Variants in CR1L observed in about 807,000 individuals in gnomAD.
CR1L encodes complement component receptor 1-like protein.
Under a neutral mutation model 62.3 loss-of-function variants are expected in CR1L, and 59 were observed. That is an observed-to-expected ratio of 0.95 (90% CI 0.77 to 1.18). The LOEUF (loss-of-function observed/expected upper bound fraction) is 1.18. CR1L is among the 50% of genes most tolerant of loss of function. The pLI is 0.00. For missense variants in CR1L, 700 were observed against 702.8 expected, an observed-to-expected ratio of 1.00 and a Z score of 0.04; for synonymous variants, 279 against 248.7, an observed-to-expected ratio of 1.12 and a Z score of -1.15.
intron 9 of CR1L, among the ~76,000 whole-genome samples, chr1:207,703,224 C>T (rs890272039): frequency 7.2e-5 from 11 of 152,190 alleles, no homozygotes; most frequent in Non-Finnish European, 1.6e-4. Context: ...AAACAGCCAT[C>T]TATTGGACCT....
At chr1:207,676,216 A>G (rs545124584) in intron 1 of CR1L, among the ~76,000 whole-genome samples, 46 of 152,188 alleles carry the variant, frequency 3.0e-4, no homozygotes, top group Non-Finnish European at 5.1e-4. Context: ...TTTTCTTCAA[A>G]CTAGCAGAGA....
At chr1:207,721,400 T>C (rs1277666514) in intron 11 of CR1L, among the ~76,000 whole-genome samples, 1 of 141,028 alleles carries the variant, frequency 7.1e-6, no homozygotes, top group East Asian at 2.1e-4. Flanking sequence ...GTCCATGTGA[T>C]CTCATTGTTC....
chr1:207,692,496 A>C (rs1221889515), intron 4 of CR1L, among the ~76,000 whole-genome samples: 4 of 152,178 alleles, frequency 2.6e-5, no homozygotes, highest in African/African-American at 9.6e-5. Context: ...CAGCTAGATA[A>C]AACCTACTTG....
At chr1:207,708,115 G>A in intron 9 of CR1L, 63 bp from the exon 10 acceptor site, 1 of 1,572,982 alleles carries the variant, frequency 6.4e-7, no homozygotes, top group Non-Finnish European at 8.7e-7. Context: ...TGCCACATAT[G>A]CATGCTGTCA....
rs1234405228 is a variant in CR1L at position 207,669,286 on chromosome 1, G to A, written c.98-8103G>A. 1.1e-5 allele frequency: 6 copies of A among 554,954 alleles called. No individual in the cohort carries two copies. In the Admixed American group the frequency reaches 1.2e-4, roughly 11 times the overall value. 34.4% of individuals were successfully genotyped at this position (554,954 alleles called of 1,614,324 possible). Reference sequence around the variant, plus strand: ...AGTAAACATGGCCTTGCCCATGAAGGGGAAGCTGGTCAAAAGCATTTTGTC... The same window carrying A: ...AGTAAACATGGCCTTGCCCATGAAGAGGAAGCTGGTCAAAAGCATTTTGTC... On this transcript the variant is annotated intron_variant, in intron 1 of 11. Transcript: ENST00000508064.
chr1:207,710,787 G>GTGTT, intron 10 of CR1L: 3 of 1,592,492 alleles, frequency 1.9e-6, no homozygotes, highest in Admixed American at 1.7e-5. Flanking sequence ...CTCCAGGGGT[G>GTGTT]TGTTTGCCTG....
intron 1 of CR1L, chr1:207,669,621 C>T (rs1236004437): frequency 1.8e-6 from 2 of 1,086,784 alleles, no homozygotes; most frequent in Non-Finnish European, 2.7e-6. Flanking sequence ...CCCAGGGCCC[C>T]GCAGAGAACT....
At chr1:207,655,287 C>CT (rs372554262) in intron 1 of CR1L, 13,859 of 460,242 alleles carry the variant, frequency 0.03, 8 homozygotes, top group South Asian at 0.036. Context: ...TAAGTAAATT[C>CT]TTTTTTTTTT....
rs181433551 is a variant in CR1L, at chr1:207,682,318, A to C, written c.378-1554A>C. 2.0e-5 allele frequency among the ~76,000 whole-genome samples: 3 copies of C among 152,194 alleles called. No homozygotes were observed. The East Asian group carries it at 5.8e-4, about 29-fold the overall frequency. Reference sequence around the variant, plus strand: ...GAAACCCCGTCTTTACTAAAAATACAAAAATTAGCCAGGCATAGTGGCGTG... The same window carrying C: ...GAAACCCCGTCTTTACTAAAAATACCAAAATTAGCCAGGCATAGTGGCGTG... On this transcript the variant is annotated intron_variant, in intron 3 of 11. Transcript: ENST00000508064.
intron 4 of CR1L, among the ~76,000 whole-genome samples, chr1:207,689,378 T>A (rs1348907727): frequency 6.6e-6 from 1 of 151,996 alleles, no homozygotes; most frequent in East Asian, 1.9e-4. Context: ...AGTGTGTGTG[T>A]GGTGTGTGTG....
chr1:207,652,531 A>C, intron 1 of CR1L: 1 of 1,412,528 alleles, frequency 7.1e-7, no homozygotes, highest in Non-Finnish European at 1.0e-6. Context: ...TCATGTTCCT[A>C]TTCTCTTATC....
Position 207,694,795 on chromosome 1 carries a change from A to G in CR1L, c.862+44A>G, listed in dbSNP as rs764800865. On this transcript the variant is annotated intron_variant, in intron 5 of 11. Transcript: ENST00000508064. ...TAGAAGGGCCCTGCCAGTGACATGC[A>G]TTGCTGTTGGATCAGGAGATTAGTA... 22 of 1,611,438 alleles carry G rather than the reference A, an allele frequency of 1.4e-5. No individual in the cohort carries two copies. The Admixed American group carries it at 2.5e-4, about 18-fold the overall frequency.
At chr1:207,689,763 G>A (rs534510840) in intron 4 of CR1L, among the ~76,000 whole-genome samples, 2 of 151,986 alleles carry the variant, frequency 1.3e-5, no homozygotes, top group East Asian at 1.9e-4. Flanking sequence ...GTTGTTGTTA[G>A]GTTTTAAATT....
In CR1L at chr1:207,720,579, A is replaced by G. The variant is rs534624606; in HGVS notation, c.1642+2888A>G. 1.4e-4 allele frequency among the ~76,000 whole-genome samples: 21 copies of G among 152,232 alleles called. 1 individual carries two copies. Among genetic ancestry groups the G allele is most frequent in the Admixed American group, 1.2e-3 (19 of 15,298 alleles). On this transcript the variant is annotated intron_variant, in intron 11 of 11. Transcript: ENST00000508064. ...TCAGATCCCCTATCTCCCCATTTCA[A>G]TGGCCCAGTTACATCAGAGGCCTGA...
chr1:207,710,764 A>C, intron 10 of CR1L: 5 of 1,604,654 alleles, frequency 3.1e-6, no homozygotes, highest in Non-Finnish European at 4.3e-6. Context: ...TGGGAGCCGG[A>C]GCTACCAAGC....
intron 1 of CR1L, chr1:207,669,462 G>A: frequency 2.7e-6 from 4 of 1,489,060 alleles, no homozygotes; most frequent in African/African-American, 1.4e-5. Flanking sequence ...TCTCTTCTCC[G>A]AGAAGCCGGG....
At chr1:207,710,742 G>C in intron 10 of CR1L, 1 of 1,609,454 alleles carries the variant, frequency 6.2e-7, no homozygotes, top group East Asian at 2.2e-5. Flanking sequence ...GCAATGCCAG[G>C]CCCTGAACAA....
chr1:207,660,197 C>G (rs1663388066), intron 1 of CR1L, among the ~76,000 whole-genome samples: 1 of 152,242 alleles, frequency 6.6e-6, no homozygotes, highest in South Asian at 2.1e-4. Flanking sequence ...ATTCGAGCTC[C>G]TATAACGGAC....
intron 1 of CR1L, among the ~76,000 whole-genome samples, chr1:207,675,389 G>A (rs562207229): frequency 1.3e-5 from 2 of 152,296 alleles, no homozygotes; most frequent in Admixed American, 6.5e-5. Flanking sequence ...GCCAGGGAAG[G>A]CTTCGATAAG....
Sources: allele counts gnomAD v4.1 joint callset (sites outside exome capture counted in the v4.1 genomes callset), GRCh38; gene constraint gnomAD v4.1.1; transcripts MANE v1.5; gene names NCBI Gene and HGNC (gene_info 2026-07-23, HGNC 2026-07-21).